Variants in SIRPA observed in about 807,000 individuals in gnomAD.
SIRPA encodes the protein tyrosine-protein phosphatase non-receptor type substrate 1.
Under a neutral mutation model 50.3 loss-of-function variants are expected in SIRPA, and 9 were observed. The ratio of observed to expected loss-of-function variants is 0.18; its 90% CI spans 0.11 to 0.31. The LOEUF (loss-of-function observed/expected upper bound fraction) is 0.31, where lower values mean the gene tolerates loss of function less well. SIRPA is among the 10% of genes least tolerant of loss of function. The probability of loss-of-function intolerance (pLI) is 1.00; values close to 1 mark genes in which losing one functional copy is unlikely to be tolerated. For missense variants in SIRPA, 474 were observed against 661.6 expected (o/e 0.72, Z 3.11); for synonymous variants, 265 against 284.1 (o/e 0.93, Z 0.68).
At chr20:1,909,571 C>T (rs1984761287) in intron 1 of SIRPA, among the ~76,000 whole-genome samples, 1 of 152,212 alleles carries the variant, frequency 6.6e-6, no homozygotes, top group Non-Finnish European at 1.5e-5. Context: ...CGCCTGAGGT[C>T]AGGAGTTTGA....
At position 1,937,284 on chromosome 20, in the gene SIRPA, T is replaced by A; in HGVS notation, c.1267-36T>A. On this transcript the variant is annotated intron_variant, in intron 7 of 7. Coordinates refer to ENST00000358771, the MANE Select transcript of SIRPA (RefSeq NM_001040023.2). The surrounding 1 kb of genome is among the most constrained non-coding windows in gnomAD (Gnocchi z 8.3). Reference sequence around the variant, plus strand: ...GTGGGCCAGGGGCTATAGAATGACCTTCTCATGACTTTCTCTTTGGGTATC... The same window carrying A: ...GTGGGCCAGGGGCTATAGAATGACCATCTCATGACTTTCTCTTTGGGTATC... 2 of 1,595,992 alleles carry A rather than the reference T, an allele frequency of 1.3e-6. No homozygotes were observed. Among genetic ancestry groups the A allele is most frequent in the Non-Finnish European group, 1.7e-6 (2 of 1,167,994 alleles).
At chr20:1,919,317 A>G (rs377016915) in intron 2 of SIRPA, among the ~76,000 whole-genome samples, 367 of 152,392 alleles carry the variant, frequency 2.4e-3, no homozygotes, top group African/African-American at 8.5e-3. Context: ...ATTCTAATAC[A>G]GAGTCAGGAC....
chr20:1,906,188 C>T (rs968463128), intron 1 of SIRPA, among the ~76,000 whole-genome samples: 3 of 152,098 alleles, frequency 2.0e-5, no homozygotes, highest in Non-Finnish European at 4.4e-5. Flanking sequence ...GCCAGAGGTC[C>T]AGAGTGGGCG....
rs2024870 is a variant in SIRPA, at chr20:1,904,123, C to T, written c.79+8597C>T. 5.9e-5 allele frequency among the ~76,000 whole-genome samples: 9 copies of T among 152,044 alleles called. No individual in the cohort carries two copies. The South Asian group carries it at 1.7e-3, about 28-fold the overall frequency. On this transcript the variant is annotated intron_variant, in intron 1 of 7. Coordinates refer to ENST00000358771, the MANE Select transcript of SIRPA (RefSeq NM_001040023.2). Reference sequence around the variant, plus strand: ...ATTCCCTAACTACCACAGTCCCCCCCCTGCAGCCAGGGCCGGGATCATACC... The same window carrying T: ...ATTCCCTAACTACCACAGTCCCCCCTCTGCAGCCAGGGCCGGGATCATACC...
intron 1 of SIRPA, among the ~76,000 whole-genome samples, chr20:1,907,144 G>T (rs997450409): frequency 4.6e-5 from 7 of 152,136 alleles, no homozygotes; most frequent in Non-Finnish European, 1.0e-4. Context: ...TCCCTGCAGG[G>T]ATGTGGCACA....
At chr20:1,921,283 T>G in intron 2 of SIRPA, 112 bp from the exon 3 acceptor site, 2 of 1,550,908 alleles carry the variant, frequency 1.3e-6, no homozygotes, top group Non-Finnish European at 1.8e-6. Context: ...TCCTTCCACA[T>G]TATTGGAAGG....
chr20:1,910,925 T>C (rs1344112469), intron 1 of SIRPA, among the ~76,000 whole-genome samples: 1 of 152,258 alleles, frequency 6.6e-6, no homozygotes, highest in African/African-American at 2.4e-5. Context: ...CATCTTTTTT[T>C]TTCTTACAAA....
At chr20:1,918,724 C>A (rs1985463518) in intron 2 of SIRPA, among the ~76,000 whole-genome samples, 1 of 152,084 alleles carries the variant, frequency 6.6e-6, no homozygotes, top group African/African-American at 2.4e-5. Flanking sequence ...CCCTTGAGTC[C>A]TCAGCTTCCC....
chr20:1,927,458 C>T lies in SIRPA; in HGVS notation c.1202-417C>T, dbSNP rs1367937219. Among the ~76,000 whole-genome samples the T allele has an allele frequency of 3.9e-5, 6 of 152,174 alleles. No homozygotes were observed. In the South Asian group the frequency reaches 6.2e-4, roughly 16 times the overall value. On this transcript the variant is annotated intron_variant, in intron 5 of 7. Transcript: ENST00000358771. The surrounding 1 kb of genome is among the most constrained non-coding windows in gnomAD (Gnocchi z 6.5). Reference sequence around the variant, plus strand: ...ATGGTGAGTGAGTGGGTAGCAGACCCGGGGTTCACACATGATCCCCGATTT... The same window carrying T: ...ATGGTGAGTGAGTGGGTAGCAGACCTGGGGTTCACACATGATCCCCGATTT...
intron 1 of SIRPA, among the ~76,000 whole-genome samples, chr20:1,909,894 A>G (rs1185395037): frequency 6.6e-6 from 1 of 152,168 alleles, no homozygotes; most frequent in Non-Finnish European, 1.5e-5. Flanking sequence ...AATCAAATAT[A>G]TTTTCTAAAT....
Position 1,933,077 on chromosome 20 carries a change from A to G in SIRPA, c.1227-1638A>G, listed in dbSNP as rs1221538232. Among the ~76,000 whole-genome samples the G allele has an allele frequency of 6.6e-6, 1 of 152,260 alleles. No homozygotes were observed. Among genetic ancestry groups the G allele is most frequent in the Non-Finnish European group, 1.5e-5 (1 of 68,044 alleles). On this transcript the variant is annotated intron_variant, in intron 6 of 7. Transcript: ENST00000358771. The surrounding 1 kb of genome is among the most constrained non-coding windows in gnomAD (Gnocchi z 4.4). ...GGAAGAAAAGGATTAAAGCAGATTA[A>G]GAGGCAGCAGCATGGAGCATGCAAA...
intron 1 of SIRPA, among the ~76,000 whole-genome samples, chr20:1,896,129 A>T (rs1452086905): frequency 6.6e-6 from 1 of 152,132 alleles, no homozygotes; most frequent in Non-Finnish European, 1.5e-5. Context: ...ACAGATCCTT[A>T]TGTAAAAACA....
intron 7 of SIRPA, among the ~76,000 whole-genome samples, chr20:1,935,107 G>A (rs983053293): frequency 1.3e-5 from 2 of 152,100 alleles, no homozygotes; most frequent in East Asian, 1.9e-4. Context: ...TACCAGGAGC[G>A]CCACTCCCAG....
At chr20:1,911,080 A>T (rs1369038286) in intron 1 of SIRPA, among the ~76,000 whole-genome samples, 1 of 152,218 alleles carries the variant, frequency 6.6e-6, no homozygotes, top group Non-Finnish European at 1.5e-5. Flanking sequence ...ACAGACTCTG[A>T]TCTTGTAACA....
chr20:1,936,188 C>A lies in SIRPA; in HGVS notation c.1267-1132C>A, dbSNP rs75142293. On this transcript the variant is annotated intron_variant, in intron 7 of 7. Transcript: ENST00000358771. The surrounding 1 kb of genome is among the most constrained non-coding windows in gnomAD (Gnocchi z 4.2). ...TGGTGGTAGCTTTATTCTGTTCTAT[C>A]ACGCAGGGGCCAGTCACAGAGGGAG... 4.8e-3 allele frequency among the ~76,000 whole-genome samples: 730 copies of A among 152,256 alleles called. 5 individuals carry two copies. The highest frequency in any genetic ancestry group is 0.017 in the African/African-American group (696 of 41,548).
chr20:1,901,578 C>T (rs1301551177), intron 1 of SIRPA, among the ~76,000 whole-genome samples: 2 of 152,196 alleles, frequency 1.3e-5, no homozygotes, highest in African/African-American at 2.4e-5. Context: ...ATTTTCACAG[C>T]TGAAACTGCT....
At chr20:1,931,341 C>T (rs1208004936) in intron 6 of SIRPA, among the ~76,000 whole-genome samples, 4 of 152,172 alleles carry the variant, frequency 2.6e-5, no homozygotes, top group South Asian at 4.1e-4. Context: ...GTGACATTCC[C>T]GAGGTCCTGC....
rs559140447 is a variant in SIRPA, at chr20:1,903,716, A to G, written c.79+8190A>G. Among the ~76,000 whole-genome samples, 14 of 152,190 alleles carry G rather than the reference A, an allele frequency of 9.2e-5. No individual in the cohort carries two copies. In the South Asian group the frequency reaches 2.9e-3, roughly 32 times the overall value. On this transcript the variant is annotated intron_variant, in intron 1 of 7. Coordinates refer to ENST00000358771, the MANE Select transcript of SIRPA (RefSeq NM_001040023.2). ...CACTGGCTGTCTCTTCTACGGGAGCATCTTCCCTGGTCTTCACTTCCTTTG... is the reference window on the plus strand; with the variant it reads ...CACTGGCTGTCTCTTCTACGGGAGCGTCTTCCCTGGTCTTCACTTCCTTTG...
intron 5 of SIRPA, among the ~76,000 whole-genome samples, chr20:1,926,345 T>C (rs925409611): frequency 2.0e-5 from 3 of 152,210 alleles, no homozygotes; most frequent in Non-Finnish European, 4.4e-5. Flanking sequence ...GCCCATCCCA[T>C]GGGATGAAGC....
Sources: gnomAD v4.1 joint callset for allele counts (sites outside exome capture counted in the v4.1 genomes callset) on GRCh38, gnomAD v4.1.1 for gene constraint, Gnocchi (gnomAD v3.1) non-coding constraint, MANE v1.5 for transcripts, NCBI Gene and HGNC (gene_info 2026-07-23, HGNC 2026-07-21) for gene names.